The following DPP6 variants were observed in gnomAD, a reference collection of about 807,000 sequenced individuals.
DPP6 encodes dipeptidyl peptidase like 6.
Under a neutral mutation model 122.6 loss-of-function variants are expected in DPP6, and 69 were observed. That is an observed-to-expected ratio of 0.56 (90% CI 0.46 to 0.69). The LOEUF is 0.69. DPP6 is among the 30% of genes least tolerant of loss of function. The pLI, the probability that DPP6 is intolerant of heterozygous loss-of-function variation, is 0.00. For missense variants in DPP6, 928 were observed against 1,116.9 expected (o/e 0.83, Z 2.41); for synonymous variants, 418 against 433.1 (o/e 0.97, Z 0.43).
intron 4 of DPP6, among the ~76,000 whole-genome samples, chr7:154,546,369 G>A (rs1229061163): frequency 3.3e-5 from 5 of 150,902 alleles, no homozygotes; most frequent in African/African-American, 9.7e-5. Flanking sequence ...AATTTTAATC[G>A]GGATTTAAAA....
intron 1 of DPP6, among the ~76,000 whole-genome samples, chr7:154,108,763 G>A (rs1806346767): frequency 1.3e-5 from 2 of 152,204 alleles, no homozygotes; most frequent in South Asian, 4.1e-4. Flanking sequence ...GTGGGCTGGG[G>A]AGCCACTGGG....
intron 2 of DPP6, among the ~76,000 whole-genome samples, chr7:154,463,321 C>T (rs1026091789): frequency 1.3e-5 from 2 of 150,512 alleles, no homozygotes; most frequent in Non-Finnish European, 3.0e-5. Flanking sequence ...CATTCTCCTG[C>T]CTCAGCCTCC....
intron 7 of DPP6, among the ~76,000 whole-genome samples, chr7:154,721,591 G>A (rs1455715321): frequency 6.6e-6 from 1 of 152,054 alleles, no homozygotes; most frequent in African/African-American, 2.4e-5. Context: ...ATTTGGCAAT[G>A]GATTTTTAGC....
intron 16 of DPP6, among the ~76,000 whole-genome samples, chr7:154,826,334 A>C (rs1378340518): frequency 1.3e-5 from 2 of 152,228 alleles, no homozygotes; most frequent in African/African-American, 4.8e-5. Flanking sequence ...ATTCTTGGTC[A>C]ATATCCCATA....
intron 2 of DPP6, among the ~76,000 whole-genome samples, chr7:154,461,191 A>G (rs753224063): frequency 2.6e-5 from 4 of 152,180 alleles, no homozygotes; most frequent in African/African-American, 4.8e-5. Flanking sequence ...GCAAATGACA[A>G]ATCTCATTCA....
chr7:154,122,546 T>G (rs1807557706), intron 1 of DPP6, among the ~76,000 whole-genome samples: 1 of 152,242 alleles, frequency 6.6e-6, no homozygotes, highest in African/African-American at 2.4e-5. Flanking sequence ...TTTCCTAGTC[T>G]CTGTGAGCTT....
At chr7:154,263,245 A>C (rs76547605) in intron 1 of DPP6, among the ~76,000 whole-genome samples, 7,452 of 152,318 alleles carry the variant, frequency 0.049, 262 homozygotes, top group East Asian at 0.16. Flanking sequence ...AATGTGACAT[A>C]GCTTAGTCTC....
At chr7:154,749,288 G>A (rs1843212453) in intron 8 of DPP6, among the ~76,000 whole-genome samples, 1 of 138,930 alleles carries the variant, frequency 7.2e-6, no homozygotes, top group Admixed American at 7.1e-5. Context: ...AGGAGGGAGA[G>A]GGATGGCGGC....
intron 1 of DPP6, among the ~76,000 whole-genome samples, chr7:154,174,438 A>G (rs1175733133): frequency 1.3e-5 from 2 of 152,252 alleles, no homozygotes; most frequent in Non-Finnish European, 2.9e-5. Flanking sequence ...CCAGATCTCC[A>G]GTGCACGGCA....
intron 1 of DPP6, among the ~76,000 whole-genome samples, chr7:154,162,040 A>AT (rs1236464821): frequency 1.6e-5 from 2 of 124,230 alleles, no homozygotes; most frequent in Non-Finnish European, 3.3e-5. Context: ...AGAAGGTTTT[A>AT]TTTAATTATA....
At chr7:154,679,088 C>T (rs997799300) in intron 7 of DPP6, among the ~76,000 whole-genome samples, 2 of 152,116 alleles carry the variant, frequency 1.3e-5, no homozygotes, top group South Asian at 2.1e-4. Context: ...AGCAGAGAAA[C>T]GCAGGATAGA....
chr7:153,794,927 C>A, the DPP6 span, among the ~76,000 whole-genome samples: 7 of 152,142 alleles, frequency 4.6e-5, no homozygotes, highest in Non-Finnish European at 1.0e-4. Context: ...TCACCTCCTG[C>A]CATGATTCTG....
rs549787083 is a variant in DPP6, at chr7:154,006,515, G to A, written c.51+118781G>A. On this transcript the variant is annotated intron_variant, in intron 1 of 25. Coordinates refer to the DPP6 transcript ENST00000404039. ...AATCACAAAAAGGGCTCAACAAGTGGAGGTCTCTTCCACCAGCAAAGCAAA... is the reference window on the plus strand; with the variant it reads ...AATCACAAAAAGGGCTCAACAAGTGAAGGTCTCTTCCACCAGCAAAGCAAA... Among the ~76,000 whole-genome samples the A allele has an allele frequency of 1.2e-4, 19 of 152,292 alleles. No homozygotes were observed. In the South Asian group the frequency reaches 2.1e-3, roughly 17 times the overall value.
chr7:154,531,064 T>C (rs1264783799), intron 3 of DPP6, among the ~76,000 whole-genome samples: 3 of 152,120 alleles, frequency 2.0e-5, no homozygotes, highest in African/African-American at 7.2e-5. Flanking sequence ...TATACCTAGA[T>C]GATGGGTCGA....
intron 1 of DPP6, chr7:154,058,791 G>A (rs1393290972): frequency 6.6e-6 from 1 of 151,088 alleles, no homozygotes; most frequent in Non-Finnish European, 1.5e-5. Context: ...ACAGGAGGGG[G>A]AGGCACCCCC....
chr7:153,836,411 T>C, the DPP6 span, among the ~76,000 whole-genome samples: 1 of 152,216 alleles, frequency 6.6e-6, no homozygotes. Context: ...TAGACTTTAG[T>C]ATCTAATATA....
At chr7:154,701,698 G>T (rs1392160964) in intron 7 of DPP6, among the ~76,000 whole-genome samples, 1 of 152,184 alleles carries the variant, frequency 6.6e-6, no homozygotes, top group Non-Finnish European at 1.5e-5. Context: ...CCTGTGAAAG[G>T]TTCATAAATC....
At position 154,090,932 on chromosome 7, in the gene DPP6, A is replaced by C. The variant is rs375618304; in HGVS notation, c.243+37869A>C. ...TCAGGAGATCGAGACCATCCTGGCT[A>C]ACACAGTGAAACCCCGTCTCTACTA... On this transcript the variant is annotated intron_variant, in intron 1 of 25. Coordinates refer to ENST00000377770, the MANE Select transcript of DPP6 (RefSeq NM_130797.4). Among the ~76,000 whole-genome samples the C allele has an allele frequency of 3.2e-4, 48 of 149,328 alleles. No individual in the cohort carries two copies. In the East Asian group the frequency reaches 7.9e-3, roughly 24 times the overall value.
intron 1 of DPP6, among the ~76,000 whole-genome samples, chr7:154,057,037 G>A (rs772471633): frequency 6.6e-6 from 1 of 152,248 alleles, no homozygotes; most frequent in Admixed American, 6.5e-5. Flanking sequence ...TATTGCAGGA[G>A]CATGGAGAGT....
Sources: allele counts gnomAD v4.1 joint callset (sites outside exome capture counted in the v4.1 genomes callset), GRCh38; gene constraint gnomAD v4.1.1; transcripts MANE v1.5; gene names NCBI Gene and HGNC (gene_info 2026-07-23, HGNC 2026-07-21).